Variants in CD109 observed in about 807,000 individuals in gnomAD.
CD109 encodes CD109 molecule.
CD109 carries 149 observed loss-of-function variants against 165.8 expected under a neutral mutation model. That is an observed-to-expected ratio of 0.90 (90% CI 0.79 to 1.03). CD109 has a LOEUF of 1.03. Ranked by LOEUF, CD109 falls within the 50% of genes least tolerant of loss-of-function variation. The probability of loss-of-function intolerance (pLI) is 0.00; values close to 1 mark genes in which losing one functional copy is unlikely to be tolerated. For synonymous variants in CD109, 585 were observed against 592.1 expected, an observed-to-expected ratio of 0.99 and a Z score of 0.18; for missense variants, 1,712 against 1,677.8, an observed-to-expected ratio of 1.02 and a Z score of -0.36.
In CD109 at chr6:73,762,384, G is replaced by GGAA. The variant is rs1230042120; in HGVS notation, c.759_760insGAA (p.Lys253_Tyr254insGlu). 6 of 1,570,328 alleles carry GGAA rather than the reference G, an allele frequency of 3.8e-6. No homozygotes were observed. The highest frequency in any genetic ancestry group is 1.3e-5 in the African/African-American group (1 of 74,110). On this transcript the variant is annotated inframe_insertion and splice_region_variant, in exon 8 of 33. Coordinates refer to ENST00000287097, the MANE Select transcript of CD109 (RefSeq NM_133493.5). ...AAAGACTATGTTTATAATTATTCAG[G>GGAA]TATACATATGGGAAGCCAGTGAAAG...
intron 31 of CD109, among the ~76,000 whole-genome samples, chr6:73,819,909 C>G (rs1447648710): frequency 6.6e-6 from 1 of 152,126 alleles, no homozygotes; most frequent in African/African-American, 2.4e-5. Flanking sequence ...CTACTATTGG[C>G]AAATAAGGGA....
At chr6:73,685,827 G>T in the CD109 span, among the ~76,000 whole-genome samples, 1 of 152,106 alleles carries the variant, frequency 6.6e-6, no homozygotes, top group Admixed American at 6.6e-5. Flanking sequence ...AGTTACATCA[G>T]GTTTCTGAAA....
intron 24 of CD109, among the ~76,000 whole-genome samples, chr6:73,806,489 T>C (rs1281975767): frequency 2.0e-5 from 3 of 152,122 alleles, no homozygotes; most frequent in Admixed American, 6.5e-5. Context: ...TGTGCACATG[T>C]ACCCTAGAAC....
chr6:73,705,407 A>G (rs531073216), intron 2 of CD109, among the ~76,000 whole-genome samples: 6 of 152,290 alleles, frequency 3.9e-5, no homozygotes, highest in African/African-American at 1.4e-4. Flanking sequence ...TGGGAGGCTG[A>G]GGTGAGCAGA....
intron 22 of CD109, among the ~76,000 whole-genome samples, chr6:73,791,200 T>TATATATACACATAC (rs1774947891): frequency 2.5e-5 from 3 of 119,358 alleles, no homozygotes; most frequent in African/African-American, 7.5e-5. Context: ...TACATATATA[T>TATATATACACATAC]ATATATATAT....
intron 2 of CD109, among the ~76,000 whole-genome samples, chr6:73,706,387 GAGAGAGA>G: frequency 6.6e-6 from 1 of 152,276 alleles, no homozygotes; most frequent in Non-Finnish European, 1.5e-5. Flanking sequence ...ACACAGGGAG[GAGAGAGA>G]AGAGGAAAGG....
chr6:73,738,789 A>C (rs1425955211), intron 5 of CD109, among the ~76,000 whole-genome samples: 1 of 152,194 alleles, frequency 6.6e-6, no homozygotes, highest in African/African-American at 2.4e-5. Context: ...TAAGTTTCTT[A>C]AACTCACCGA....
At chr6:73,755,169 GAA>G (rs1367982805) in intron 5 of CD109, among the ~76,000 whole-genome samples, 2 of 152,140 alleles carry the variant, frequency 1.3e-5, no homozygotes, top group Non-Finnish European at 2.9e-5. Context: ...TGACGTGTTA[GAA>G]CTTATAAATG....
At chr6:73,719,984 G>A (rs1771885020) in intron 2 of CD109, among the ~76,000 whole-genome samples, 1 of 152,124 alleles carries the variant, frequency 6.6e-6, no homozygotes, top group South Asian at 2.1e-4. Context: ...TACTCCCAAA[G>A]TATAACTGGT....
the CD109 span, among the ~76,000 whole-genome samples, chr6:73,687,087 A>T: frequency 2.6e-5 from 4 of 152,234 alleles, no homozygotes; most frequent in African/African-American, 9.6e-5. Flanking sequence ...GTTCTATTGG[A>T]CAGCATTGGT....
rs369291804 is a variant in CD109, at chr6:73,756,632, C to T, written c.634-11C>T. On this transcript the variant is annotated splice_polypyrimidine_tract_variant and intron_variant, in intron 5 of 32. Transcript: ENST00000287097. ...TACTTTCCTGTCTTTTTTTTCTCCC[C>T]TGCCCAATAGGACCAGACATACTAT... 6.5e-7 allele frequency: 1 copy of T among 1,533,352 alleles called. No homozygotes were observed. Among genetic ancestry groups the T allele is most frequent in the Non-Finnish European group, 8.8e-7 (1 of 1,138,274 alleles). 95.0% of individuals were successfully genotyped at this position (1,533,352 alleles called of 1,614,324 possible). A position where few individuals can be genotyped will look rare whatever the true frequency, so the allele number is the denominator to read the frequency against.
the CD109 span, among the ~76,000 whole-genome samples, chr6:73,680,328 ATTGAAGC>A: frequency 6.6e-6 from 1 of 152,210 alleles, no homozygotes; most frequent in Admixed American, 6.5e-5. Flanking sequence ...TATAACAGCC[ATTGAAGC>A]TTGATTGATG....
At chr6:73,753,937 G>A (rs562406415) in intron 5 of CD109, among the ~76,000 whole-genome samples, 1 of 152,296 alleles carries the variant, frequency 6.6e-6, no homozygotes, top group South Asian at 2.1e-4. Context: ...AAACGTTGAA[G>A]GCATGCTTTA....
At chr6:73,705,444 A>T (rs943985610) in intron 2 of CD109, among the ~76,000 whole-genome samples, 1 of 152,104 alleles carries the variant, frequency 6.6e-6, no homozygotes, top group African/African-American at 2.4e-5. Context: ...GTTTGAAATC[A>T]GCCTGGACAA....
intron 32 of CD109, among the ~76,000 whole-genome samples, chr6:73,822,992 G>A (rs148672406): frequency 3.7e-4 from 56 of 152,286 alleles, no homozygotes; most frequent in African/African-American, 1.2e-3. Flanking sequence ...TATTGCATAG[G>A]CAGTCTTCCC....
chr6:73,697,279 C>G (rs1253316905), intron 1 of CD109, 121 bp from the exon 2 acceptor site: 1 of 775,902 alleles, frequency 1.3e-6, no homozygotes, highest in Admixed American at 2.7e-5. Context: ...GCAATGTTAA[C>G]GGAAACAACT....
At chr6:73,806,591 A>G (rs1461971757) in intron 24 of CD109, among the ~76,000 whole-genome samples, 1 of 152,154 alleles carries the variant, frequency 6.6e-6, no homozygotes, top group Non-Finnish European at 1.5e-5. Flanking sequence ...TTCAAATCTG[A>G]GATTTTTGAG....
At chr6:73,707,905 A>G (rs1226500720) in intron 2 of CD109, among the ~76,000 whole-genome samples, 1 of 146,878 alleles carries the variant, frequency 6.8e-6, no homozygotes, top group Admixed American at 6.8e-5. Flanking sequence ...AATAAATATT[A>G]GTTATTATTT....
intron 5 of CD109, among the ~76,000 whole-genome samples, chr6:73,741,073 A>G (rs1248256750): frequency 6.6e-6 from 1 of 151,294 alleles, no homozygotes; most frequent in East Asian, 1.9e-4. Context: ...ATGGTGGGAC[A>G]TCATAAGTTC....
Sources: gnomAD v4.1 joint callset for allele counts (sites outside exome capture counted in the v4.1 genomes callset) on GRCh38, gnomAD v4.1.1 for gene constraint, MANE v1.5 for transcripts, NCBI Gene and HGNC (gene_info 2026-07-23, HGNC 2026-07-21) for gene names.